Variants in ZNF407 observed in about 807,000 individuals in gnomAD.
ZNF407 encodes the protein zinc finger protein 407.
In ZNF407, 17 loss-of-function variants were observed where a neutral mutation model predicts 131.2. The ratio of observed to expected loss-of-function variants is 0.13; its 90% CI spans 0.09 to 0.19. The LOEUF (loss-of-function observed/expected upper bound fraction) is 0.19, where lower values mean the gene tolerates loss of function less well. ZNF407 is among the 10% of genes least tolerant of loss of function. The pLI, the probability that ZNF407 is intolerant of heterozygous loss-of-function variation, is 1.00. For synonymous variants in ZNF407, 1,156 were observed against 1,062.0 expected, an observed-to-expected ratio of 1.09 and a Z score of -1.72; for missense variants, 2,681 against 2,830.6, an observed-to-expected ratio of 0.95 and a Z score of 1.20.
intron 3 of ZNF407, among the ~76,000 whole-genome samples, chr18:74,740,570 G>A (rs769266776): frequency 3.9e-5 from 6 of 152,104 alleles, no homozygotes; most frequent in Non-Finnish European, 7.4e-5. Flanking sequence ...GTCTCTTTAC[G>A]TGCACAGGGG....
At chr18:74,800,284 C>T (rs1210278289) in intron 4 of ZNF407, among the ~76,000 whole-genome samples, 1 of 152,050 alleles carries the variant, frequency 6.6e-6, no homozygotes, top group African/African-American at 2.4e-5. Context: ...TTTTGTTATT[C>T]TTATGCTAAT....
intron 3 of ZNF407, among the ~76,000 whole-genome samples, chr18:74,713,401 G>A (rs568093827): frequency 3.5e-5 from 4 of 115,752 alleles, no homozygotes; most frequent in Non-Finnish European, 6.7e-5. Flanking sequence ...TGCAGTGACA[G>A]TATATATTGT....
intron 1 of ZNF407, among the ~76,000 whole-genome samples, chr18:74,612,781 C>G (rs1396106680): frequency 2.0e-5 from 3 of 152,076 alleles, no homozygotes; most frequent in Non-Finnish European, 2.9e-5. Flanking sequence ...GGCACCTTGC[C>G]CATGGGCACA....
chr18:74,732,250 A>G (rs1240877082), intron 3 of ZNF407, among the ~76,000 whole-genome samples: 1 of 152,060 alleles, frequency 6.6e-6, no homozygotes, highest in Non-Finnish European at 1.5e-5. Flanking sequence ...ACTGGTGTAG[A>G]CTGTCTTGTG....
At chr18:74,816,376 C>T (rs1970267727) in intron 4 of ZNF407, among the ~76,000 whole-genome samples, 2 of 152,210 alleles carry the variant, frequency 1.3e-5, no homozygotes, top group African/African-American at 2.4e-5. Flanking sequence ...CCTTTTGGGT[C>T]AGTTAGCGTC....
chr18:74,777,519 A>T lies in ZNF407; in HGVS notation c.4803-3909A>T, dbSNP rs116787820. The stretch of plus-strand genomic sequence containing the variant: ...TTCCTCATGAACATGTCCCAGACTG[A>T]TCTCCTTCAAAACAGCTCAATTTCT... On this transcript the variant is annotated intron_variant, in intron 3 of 8. Coordinates refer to ENST00000299687, the MANE Select transcript of ZNF407 (RefSeq NM_017757.3). Among the ~76,000 whole-genome samples the T allele has an allele frequency of 2.3e-3, 345 of 152,224 alleles. 2 individuals are homozygous for T. The highest frequency in any genetic ancestry group is 7.9e-3 in the African/African-American group (329 of 41,546).
intron 4 of ZNF407, among the ~76,000 whole-genome samples, chr18:74,816,565 G>A (rs1468541873): frequency 6.6e-6 from 1 of 152,040 alleles, no homozygotes; most frequent in South Asian, 2.1e-4. Flanking sequence ...AATATTATTG[G>A]CATTTTGTTT....
chr18:74,980,351 A>C (rs2122121511), intron 8 of ZNF407, among the ~76,000 whole-genome samples: 1 of 150,286 alleles, frequency 6.7e-6, no homozygotes, highest in Middle Eastern at 3.4e-3. Context: ...CTTGTGGCCC[A>C]GGCTGGAGTG....
At chr18:74,698,287 C>A (rs1967407663) in intron 3 of ZNF407, among the ~76,000 whole-genome samples, 1 of 152,146 alleles carries the variant, frequency 6.6e-6, no homozygotes, top group Admixed American at 6.5e-5. Context: ...TCTAGTGATT[C>A]AATAAAGCAG....
In ZNF407 at chr18:74,631,589, C is replaced by T; in HGVS notation, c.570C>T (p.Ile190=). The T allele has an allele frequency of 6.2e-7, 1 of 1,613,806 alleles. No homozygotes were observed. The highest frequency in any genetic ancestry group is 1.3e-5 in the African/African-American group (1 of 75,058). The change falls in exon 2 of 9, where the codon ATC becomes ATT. Residue 190 remains isoleucine (I), a synonymous_variant. Coordinates refer to ENST00000299687, the MANE Select transcript of ZNF407 (RefSeq NM_017757.3). ...TAGATACAGTTCTCAAATGCAGCAT[C>T]TGTGGGCATTTGTTTTCTTCTTGCT... The part of the protein sequence containing the change: ...GNVDTVLKCS[I]CGHLFSSCSD...
chr18:74,953,471 A>G (rs1013865853), intron 8 of ZNF407, among the ~76,000 whole-genome samples: 1 of 152,120 alleles, frequency 6.6e-6, no homozygotes, highest in African/African-American at 2.4e-5. Flanking sequence ...CTCTGCAGGC[A>G]TCCTTAGTCG....
intron 3 of ZNF407, among the ~76,000 whole-genome samples, chr18:74,781,145 A>C (rs1047714639): frequency 1.3e-5 from 2 of 152,094 alleles, no homozygotes; most frequent in African/African-American, 4.8e-5. Context: ...TTTCTTACCA[A>C]CTGGAAGTGA....
intron 8 of ZNF407, among the ~76,000 whole-genome samples, chr18:75,045,066 G>T (rs1361906259): frequency 6.6e-6 from 1 of 151,104 alleles, no homozygotes; most frequent in Non-Finnish European, 1.5e-5. Context: ...GGGTGTGGGG[G>T]GGTGTGGGCA....
At chr18:74,623,375 G>C (rs182711404) in intron 1 of ZNF407, among the ~76,000 whole-genome samples, 128 of 152,178 alleles carry the variant, frequency 8.4e-4, no homozygotes, top group African/African-American at 2.9e-3. Flanking sequence ...TGTGACTTTG[G>C]GTGTGTGCAC....
chr18:75,041,778 A>G (rs532061397), intron 8 of ZNF407, among the ~76,000 whole-genome samples: 1 of 152,354 alleles, frequency 6.6e-6, no homozygotes, highest in South Asian at 2.1e-4. Flanking sequence ...CCATTTTTAT[A>G]TAAAGCCACA....
chr18:74,733,371 A>G (rs2144900382), intron 3 of ZNF407, among the ~76,000 whole-genome samples: 1 of 152,140 alleles, frequency 6.6e-6, no homozygotes, highest in African/African-American at 2.4e-5. Context: ...TTATTTTTAA[A>G]TTTTTTTATT....
chr18:74,748,559 T>C (rs975808890), intron 3 of ZNF407, among the ~76,000 whole-genome samples: 1 of 152,204 alleles, frequency 6.6e-6, no homozygotes, highest in African/African-American at 2.4e-5. Flanking sequence ...TTGTTTCTGC[T>C]TCAGTTTTAT....
intron 8 of ZNF407, among the ~76,000 whole-genome samples, chr18:75,018,575 A>G (rs1973071616): frequency 6.6e-6 from 1 of 152,014 alleles, no homozygotes; most frequent in African/African-American, 2.4e-5. Context: ...GCTGAAATAA[A>G]TGATGTAGAA....
At chr18:74,880,252 G>A (rs1445908985) in intron 5 of ZNF407, among the ~76,000 whole-genome samples, 2 of 151,334 alleles carry the variant, frequency 1.3e-5, no homozygotes, top group Admixed American at 6.6e-5. Context: ...TAGGGCACAT[G>A]TTAGCTTGTG....
Sources: allele counts gnomAD v4.1 joint callset (sites outside exome capture counted in the v4.1 genomes callset), GRCh38; gene constraint gnomAD v4.1.1; transcripts MANE v1.5; gene names NCBI Gene and HGNC (gene_info 2026-07-23, HGNC 2026-07-21).